Variants in TRIQK observed in about 807,000 individuals in gnomAD.
The protein encoded by TRIQK is triple QxxK/R motif-containing protein.
TRIQK carries 10 observed loss-of-function variants against 10.8 expected under a neutral mutation model. The observed-to-expected ratio is 0.92, with a 90% confidence interval of 0.57 to 1.57. The LOEUF is 1.57. Among genes scored for constraint, TRIQK ranks in the 40% most tolerant of loss-of-function variants. The pLI is 0.00. For synonymous variants in TRIQK, 33 were observed against 33.7 expected (o/e 0.98, Z 0.07); for missense variants, 107 against 97.7 (o/e 1.09, Z -0.40).
intron 2 of TRIQK, among the ~76,000 whole-genome samples, 170 bp from the exon 3 acceptor site, chr8:92,917,180 T>A (rs1809907353): frequency 6.6e-6 from 1 of 152,078 alleles, no homozygotes; most frequent in Admixed American, 6.5e-5. Flanking sequence ...AAATTATCAA[T>A]GATACAATTG....
At chr8:92,888,660 G>A (rs1300377401) in intron 4 of TRIQK, among the ~76,000 whole-genome samples, 1 of 151,380 alleles carries the variant, frequency 6.6e-6, no homozygotes, top group African/African-American at 2.4e-5. Context: ...TGACTCCCTT[G>A]CCCCCTTTGG....
At chr8:92,942,090 T>C (rs1421906101) in intron 2 of TRIQK, among the ~76,000 whole-genome samples, 2 of 152,110 alleles carry the variant, frequency 1.3e-5, no homozygotes, top group African/African-American at 4.8e-5. Context: ...CCGTAATTAC[T>C]CTGATAATGC....
At chr8:93,013,554 A>G (rs1563457364) in intron 1 of TRIQK, among the ~76,000 whole-genome samples, 1 of 152,188 alleles carries the variant, frequency 6.6e-6, no homozygotes, top group African/African-American at 2.4e-5. Context: ...TTCAGTAATG[A>G]TTTTATTATG....
At chr8:92,997,390 C>T (rs1813163004) in intron 1 of TRIQK, among the ~76,000 whole-genome samples, 2 of 152,002 alleles carry the variant, frequency 1.3e-5, no homozygotes, top group Non-Finnish European at 2.9e-5. Flanking sequence ...CCCTATCAAC[C>T]TCAGAAGGCT....
intron 2 of TRIQK, among the ~76,000 whole-genome samples, chr8:92,949,049 A>C (rs1811695459): frequency 6.6e-6 from 1 of 152,160 alleles, no homozygotes; most frequent in African/African-American, 2.4e-5. Flanking sequence ...CTGTTTCTGT[A>C]CCTAATTTCT....
At chr8:92,892,129 C>T (rs532579525) in intron 3 of TRIQK, 55 bp from the exon 4 acceptor site, 2 of 1,212,628 alleles carry the variant, frequency 1.6e-6, no homozygotes, top group South Asian at 2.8e-5. Flanking sequence ...TTAAGTTTAA[C>T]AATCATTTGA....
At chr8:93,000,983 C>T (rs991689717) in intron 1 of TRIQK, among the ~76,000 whole-genome samples, 3 of 151,104 alleles carry the variant, frequency 2.0e-5, no homozygotes, top group Admixed American at 6.6e-5. Flanking sequence ...CAATAATAAA[C>T]TTGAATGTAA....
intron 1 of TRIQK, among the ~76,000 whole-genome samples, chr8:92,981,054 A>G (rs896618178): frequency 6.6e-6 from 1 of 151,736 alleles, no homozygotes; most frequent in Non-Finnish European, 1.5e-5. Flanking sequence ...TTTGATAAAT[A>G]TCCTTTGAAA....
At chr8:92,896,132 G>A (rs1808581130) in intron 3 of TRIQK, among the ~76,000 whole-genome samples, 1 of 152,164 alleles carries the variant, frequency 6.6e-6, no homozygotes, top group African/African-American at 2.4e-5. Flanking sequence ...AGGCTTCCAG[G>A]GGACCTCTGT....
chr8:92,917,128 T>C (rs1809903086), intron 2 of TRIQK, 118 bp from the exon 3 acceptor site: 2 of 451,010 alleles, frequency 4.4e-6, no homozygotes, highest in South Asian at 7.5e-5. Context: ...CTTTGACTTA[T>C]TTCCATTAAA....
At chr8:92,940,133 C>A (rs1040048480) in intron 2 of TRIQK, among the ~76,000 whole-genome samples, 2 of 152,072 alleles carry the variant, frequency 1.3e-5, no homozygotes, top group Admixed American at 1.3e-4. Flanking sequence ...TACATAAATT[C>A]TCTTCAGGGT....
At chr8:93,001,705 C>T (rs1417405465) in intron 1 of TRIQK, among the ~76,000 whole-genome samples, 1 of 152,066 alleles carries the variant, frequency 6.6e-6, no homozygotes, top group South Asian at 2.1e-4. Context: ...CTTCAATATA[C>T]CACTTTCAAA....
At chr8:92,958,061 C>G (rs141587594) in intron 1 of TRIQK, among the ~76,000 whole-genome samples, 48 of 151,948 alleles carry the variant, frequency 3.2e-4, no homozygotes, top group African/African-American at 1.1e-3. Flanking sequence ...TGAAATGGAT[C>G]CTCATTGCCT....
intron 2 of TRIQK, among the ~76,000 whole-genome samples, chr8:92,952,266 G>A (rs896983229): frequency 5.9e-5 from 9 of 151,962 alleles, no homozygotes; most frequent in Non-Finnish European, 8.8e-5. Flanking sequence ...TCTTAAGAAG[G>A]AACCAAAAGA....
chr8:93,002,157 C>T (rs1222881631), intron 1 of TRIQK, among the ~76,000 whole-genome samples: 1 of 151,922 alleles, frequency 6.6e-6, no homozygotes, highest in Admixed American at 6.6e-5. Flanking sequence ...GCAATAAATA[C>T]TTGTATAAAA....
chr8:92,996,386 G>T (rs1586526356), intron 1 of TRIQK, among the ~76,000 whole-genome samples: 2 of 151,848 alleles, frequency 1.3e-5, no homozygotes, highest in South Asian at 4.2e-4. Context: ...AAATTCAATT[G>T]TTCAGCCTAC....
chr8:92,939,284 G>A (rs1032662280), intron 2 of TRIQK, among the ~76,000 whole-genome samples: 5 of 152,290 alleles, frequency 3.3e-5, no homozygotes, highest in South Asian at 4.1e-4. Context: ...ATGAAGACGT[G>A]CCATTCTGAG....
intron 1 of TRIQK, among the ~76,000 whole-genome samples, chr8:92,972,147 T>G (rs1812883220): frequency 1.3e-5 from 2 of 152,208 alleles, no homozygotes; most frequent in South Asian, 4.1e-4. Context: ...TTAAGCTATC[T>G]ATGCCTTTAT....
intron 1 of TRIQK, among the ~76,000 whole-genome samples, chr8:92,977,896 T>C (rs1334757262): frequency 6.6e-6 from 1 of 152,192 alleles, no homozygotes; most frequent in Admixed American, 6.5e-5. Context: ...AATTTTGTCT[T>C]ACTATTGACC....
Sources: gnomAD v4.1 joint callset for allele counts (sites outside exome capture counted in the v4.1 genomes callset) on GRCh38, gnomAD v4.1.1 for gene constraint, MANE v1.5 for transcripts, NCBI Gene and HGNC (gene_info 2026-07-23, HGNC 2026-07-21) for gene names.